The following NDUFB7 variants were observed in gnomAD, a reference collection of about 807,000 sequenced individuals.
The protein encoded by NDUFB7 is NADH dehydrogenase [ubiquinone] 1 beta subcomplex subunit 7.
A neutral mutation model predicts 14.7 loss-of-function variants in NDUFB7; 18 were observed. The observed-to-expected ratio is 1.22, with a 90% CI of 0.85 to 1.81. NDUFB7 has a LOEUF of 1.81. NDUFB7 is among the 40% of genes most tolerant of loss of function. The pLI, the probability that NDUFB7 is intolerant of heterozygous loss-of-function variation, is 0.00. For missense variants in NDUFB7, 219 were observed against 195.0 expected (o/e 1.12, Z -0.73); for synonymous variants, 86 against 76.1 (o/e 1.13, Z -0.68).
Position 14,566,914 on chromosome 19 carries a change from C to A in NDUFB7, c.132G>T (p.Gln44His). 1 of 1,585,428 alleles carries A rather than the reference C, an allele frequency of 6.3e-7. No individual in the cohort carries two copies. The highest frequency in any genetic ancestry group is 2.3e-5 in the East Asian group (1 of 43,842). The change falls in exon 2 of 3, where the codon CAG (glutamine) becomes CAT (histidine). Residue 44 changes from glutamine to histidine, a missense_variant. Transcript: ENST00000215565. ...GCCTCAGCTGCGCGTCCATCATCTC[C>A]TGCTGTGTGGCCACCATCTCTGCAG... ...RKEREMVATQ[Q>H]EMMDAQLRLQ...
rs137948731 is a variant in NDUFB7 at position 14,566,791 on chromosome 19, G to A, written c.255C>T (p.His85=). ...PNFLACKQER[H]DWDYCEHRDY... ...CGCGGTGCTCGCAGTAGTCCCAGTC[G>A]TGCCGCTCCTGCTTGCAGGCCAGGA... Residue 85 remains histidine (H), a synonymous_variant, in exon 2 of 3, where the codon CAC becomes CAT. Transcript: ENST00000215565. 50 of 1,545,880 alleles carry A rather than the reference G, an allele frequency of 3.2e-5. No individual in the cohort carries two copies. The highest frequency in any genetic ancestry group is 6.9e-5 in the African/African-American group (5 of 72,870).
In NDUFB7 at chr19:14,571,885, T is replaced by C. The variant is rs770657986; in HGVS notation, c.112+4A>G. Reference sequence around the variant, plus strand: ...TCTGGCTGCGCCTGCGCACTGGGCCTCACCGCGCTCCTTGCGTTCGGGGAA... The same window carrying C: ...TCTGGCTGCGCCTGCGCACTGGGCCCCACCGCGCTCCTTGCGTTCGGGGAA... On this transcript the variant is annotated splice_donor_region_variant and intron_variant, in intron 1 of 2. Coordinates refer to ENST00000215565, the MANE Select transcript of NDUFB7 (RefSeq NM_004146.6). The C allele has an allele frequency of 1.7e-5, 28 of 1,605,442 alleles. No homozygotes were observed. Among genetic ancestry groups the C allele is most frequent in the Non-Finnish European group, 2.2e-5 (26 of 1,177,064 alleles).
intron 2 of NDUFB7, among the ~76,000 whole-genome samples, chr19:14,566,542 C>T (rs548738970): frequency 2.7e-5 from 4 of 150,942 alleles, no homozygotes; most frequent in Admixed American, 2.0e-4. Flanking sequence ...AAGGTGGGGC[C>T]CGGCTAGAAA....
At position 14,571,971 on chromosome 19, in the gene NDUFB7, C is replaced by T; in HGVS notation, c.30G>A (p.Leu10=). The change falls in exon 1 of 3, where the codon CTG becomes CTA. Residue 10 remains leucine (L), a synonymous_variant. Transcript: ENST00000215565. MGAHLVRRY[L]GDASVEPDPL... ...GGTCGGGCTCCACCGAGGCATCGCC[C>T]AGGTAGCGCCGGACCAGGTGGGCCC... 1 of 1,609,074 alleles carries T rather than the reference C, an allele frequency of 6.2e-7. No homozygotes were observed. The highest frequency in any genetic ancestry group is 1.1e-5 in the South Asian group (1 of 90,264).
At chr19:14,570,517 A>G (rs1042329511) in intron 1 of NDUFB7, among the ~76,000 whole-genome samples, 2 of 150,784 alleles carry the variant, frequency 1.3e-5, no homozygotes, top group Non-Finnish European at 3.0e-5. Flanking sequence ...TTATATTTTT[A>G]GTAGAGATGG....
intron 2 of NDUFB7, among the ~76,000 whole-genome samples, 189 bp downstream of exon 2, chr19:14,566,576 G>A (rs571542953): frequency 7.2e-6 from 1 of 137,970 alleles, no homozygotes; most frequent in African/African-American, 2.8e-5. Flanking sequence ...TCAGGTCCCT[G>A]GCCTCTGGAG....
In NDUFB7 at chr19:14,567,803, T is replaced by C. The variant is rs2074102162; in HGVS notation, c.113-870A>G. On this transcript the variant is annotated intron_variant, in intron 1 of 2. Coordinates refer to ENST00000215565, the MANE Select transcript of NDUFB7 (RefSeq NM_004146.6). This position sits in a 1 kb window ranked among gnomAD's most constrained non-coding sequence, Gnocchi z 5.1. Reference sequence around the variant, plus strand: ...CGTCCCCTGCTGGCTTCTCTCCCCTTTGCTTCCCAGCTGCGATTCTCTCAT... The same window carrying C: ...CGTCCCCTGCTGGCTTCTCTCCCCTCTGCTTCCCAGCTGCGATTCTCTCAT... 6.6e-6 allele frequency among the ~76,000 whole-genome samples: 1 copy of C among 152,090 alleles called. No individual in the cohort carries two copies. Among genetic ancestry groups the C allele is most frequent in the Non-Finnish European group, 1.5e-5 (1 of 68,016 alleles).
chr19:14,566,477 C>T lies in NDUFB7; in HGVS notation c.282-212G>A, dbSNP rs527777547. Among the ~76,000 whole-genome samples the T allele has an allele frequency of 4.6e-5, 7 of 151,994 alleles. No individual in the cohort carries two copies. The South Asian group carries it at 1.2e-3, about 27-fold the overall frequency. On this transcript the variant is annotated intron_variant, in intron 2 of 2. Coordinates refer to ENST00000215565, the MANE Select transcript of NDUFB7 (RefSeq NM_004146.6). ...GCTTGGCCACTCCCCTAGGTGGCTT[C>T]AGCCACCTGCCCTGTCCCCATCAAA...
chr19:14,567,019 C>T lies in NDUFB7; in HGVS notation c.113-86G>A. 2 of 1,378,732 alleles carry T rather than the reference C, an allele frequency of 1.5e-6. No homozygotes were observed. Among genetic ancestry groups the T allele is most frequent in the Admixed American group, 2.2e-5 (1 of 45,412 alleles). The allele number at this position is 1,378,732 out of a possible 1,614,324, so 85.4% of individuals were successfully genotyped here. ...CCCAGGGGACCGAGGCACACGGCTT[C>T]AGGAAGGCACGGCTTGGGGTGTCCC... On this transcript the variant is annotated intron_variant, in intron 1 of 2. Transcript: ENST00000215565. The surrounding 1 kb of genome is among the most constrained non-coding windows in gnomAD (Gnocchi z 5.1).
At chr19:14,566,665 G>A (rs2074089243) in intron 2 of NDUFB7, 100 bp downstream of exon 2, 1 of 1,087,488 alleles carries the variant, frequency 9.2e-7, no homozygotes, top group African/African-American at 1.9e-5. Flanking sequence ...GCTTGGGCGG[G>A]CTGGGCATGT....
In NDUFB7 at chr19:14,567,906, C is replaced by T. The variant is rs935522488; in HGVS notation, c.113-973G>A. On this transcript the variant is annotated intron_variant, in intron 1 of 2. Transcript: ENST00000215565. This position sits in a 1 kb window ranked among gnomAD's most constrained non-coding sequence, Gnocchi z 5.1. ...CTGCCCTACCCCCTCACTGCCCAGA[C>T]ACGGGCTCTCACAGGGCCACCCAAC... Among the ~76,000 whole-genome samples, 3 of 152,172 alleles carry T rather than the reference C, an allele frequency of 2.0e-5. No homozygotes were observed. Among genetic ancestry groups the T allele is most frequent in the African/African-American group, 7.2e-5 (3 of 41,450 alleles).
intron 1 of NDUFB7, among the ~76,000 whole-genome samples, chr19:14,569,081 G>A (rs1327313588): frequency 6.6e-6 from 1 of 151,992 alleles, no homozygotes; most frequent in African/African-American, 2.4e-5. Flanking sequence ...AGGCTGAGGC[G>A]GGAGAATCGC....
intron 1 of NDUFB7, among the ~76,000 whole-genome samples, chr19:14,568,234 G>A (rs2074104830): frequency 6.6e-6 from 1 of 152,176 alleles, no homozygotes; most frequent in Non-Finnish European, 1.5e-5. Flanking sequence ...TAGTAGAGAT[G>A]GGGTTTCGCC....
At chr19:14,566,977 C>A (rs1313750672) in intron 1 of NDUFB7, 44 bp from the exon 2 acceptor site, 2 of 1,526,454 alleles carry the variant, frequency 1.3e-6, no homozygotes, top group South Asian at 1.2e-5. Flanking sequence ...AGGCTCCCCA[C>A]CCCAATTCCG....
rs993529026 is a variant in NDUFB7 at position 14,567,532 on chromosome 19, C to T, written c.113-599G>A. On this transcript the variant is annotated intron_variant, in intron 1 of 2. Transcript: ENST00000215565. This position sits in a 1 kb window ranked among gnomAD's most constrained non-coding sequence, Gnocchi z 5.1. ...GACAGCTGGACTAGTATCTGGGTCCCGGTGCCCCACTCACCTAGCAAACCT... is the reference window on the plus strand; with the variant it reads ...GACAGCTGGACTAGTATCTGGGTCCTGGTGCCCCACTCACCTAGCAAACCT... Among the ~76,000 whole-genome samples the T allele has an allele frequency of 9.9e-5, 15 of 152,056 alleles. No individual in the cohort carries two copies. The highest frequency in any genetic ancestry group is 3.4e-4 in the African/African-American group (14 of 41,390).
At chr19:14,566,585 A>G (rs2074087805) in intron 2 of NDUFB7, among the ~76,000 whole-genome samples, 180 bp downstream of exon 2, 1 of 97,032 alleles carries the variant, frequency 1.0e-5, no homozygotes, top group South Asian at 4.1e-4. Flanking sequence ...TGGCCTCTGG[A>G]GCCACATCCT....
At position 14,571,997 on chromosome 19, in the gene NDUFB7, C is replaced by A. The variant is rs189994454; in HGVS notation, c.4G>T (p.Gly2Trp). 8.8e-6 allele frequency: 14 copies of A among 1,594,580 alleles called. No individual in the cohort carries two copies. In the Admixed American group the frequency reaches 2.5e-4, roughly 28 times the overall value. M[G>W]AHLVRRYLGD... ...AGGTAGCGCCGGACCAGGTGGGCCC[C>A]CATGGCTGCAGTCGCTGCAGATCCC... Residue 2 changes from glycine (G) to tryptophan (W), a missense_variant, in exon 1 of 3, where the codon GGG becomes TGG. Gly to Trp is a radical substitution (Grantham distance 184, BLOSUM62 -2). Coordinates refer to ENST00000215565, the MANE Select transcript of NDUFB7 (RefSeq NM_004146.6).
In NDUFB7 at chr19:14,569,293, G is replaced by A. The variant is rs575178498; in HGVS notation, c.113-2360C>T. 1.4e-4 allele frequency among the ~76,000 whole-genome samples: 22 copies of A among 152,178 alleles called. No homozygotes were observed. In the South Asian group the frequency reaches 2.9e-3, roughly 20 times the overall value. On this transcript the variant is annotated intron_variant, in intron 1 of 2. Coordinates refer to ENST00000215565, the MANE Select transcript of NDUFB7 (RefSeq NM_004146.6). ...CGGTCAGCAGGGACTGCAGGAATGC[G>A]CCACCACACCCAGCTAATTAAAAAA...
intron 1 of NDUFB7, among the ~76,000 whole-genome samples, 153 bp downstream of exon 1, chr19:14,571,736 G>A (rs765302637): frequency 1.3e-5 from 2 of 152,228 alleles, no homozygotes; most frequent in Non-Finnish European, 2.9e-5. Flanking sequence ...CTGAGGTGGG[G>A]TCATGCACGT....
Sources: gnomAD v4.1 joint callset for allele counts (sites outside exome capture counted in the v4.1 genomes callset) on GRCh38, gnomAD v4.1.1 for gene constraint, Gnocchi (gnomAD v3.1) non-coding constraint, MANE v1.5 for transcripts, NCBI Gene and HGNC (gene_info 2026-07-23, HGNC 2026-07-21) for gene names.